NPHP4: variants seen among roughly 807,000 people sequenced by gnomAD.
NPHP4 encodes nephrocystin-4.
A neutral mutation model predicts 155.8 loss-of-function variants in NPHP4; 151 were observed. That is an observed-to-expected ratio of 0.97 (90% CI 0.85 to 1.11). The LOEUF (loss-of-function observed/expected upper bound fraction) is 1.11, where lower values mean the gene tolerates loss of function less well. Ranked by LOEUF, NPHP4 falls within the 50% of genes least tolerant of loss-of-function variation. The pLI is 0.00. For synonymous variants in NPHP4, 845 were observed against 816.8 expected (o/e 1.03, Z -0.59); for missense variants, 1,956 against 1,925.7 (o/e 1.02, Z -0.29).
At chr1:5,933,104 TAGA>T (rs1392344506) in intron 10 of NPHP4, 40 bp downstream of exon 10, 5 of 1,405,126 alleles carry the variant, frequency 3.6e-6, no homozygotes, top group Non-Finnish European at 4.8e-6. Context: ...ATGAACTTGC[TAGA>T]AGCTCACCGG....
rs1427188149 is a variant in NPHP4, at chr1:5,874,627, G to A, written c.3075C>T (p.Asp1025=). 1 of 1,612,244 alleles carries A rather than the reference G, an allele frequency of 6.2e-7. No individual in the cohort carries two copies. The highest frequency in any genetic ancestry group is 8.5e-7 in the Non-Finnish European group (1 of 1,179,602). ...TGTGCAGGCCAGCAGCACCCTTGAA[G>A]TCCCTCCACTCCTGACTGTCCACGA... ...SVIVDSQEWR[D]FKGAAGLHTP... Residue 1025 remains aspartate, a synonymous_variant, in exon 22 of 30, where the codon GAC becomes GAT. Coordinates refer to ENST00000378156, the MANE Select transcript of NPHP4 (RefSeq NM_015102.5).
At chr1:5,871,213 T>C (rs1177384745) in intron 23 of NPHP4, among the ~76,000 whole-genome samples, 2 of 152,328 alleles carry the variant, frequency 1.3e-5, no homozygotes, top group African/African-American at 4.8e-5. Context: ...TTCCTGTAAC[T>C]CTTCCCTAAG....
At position 5,969,277 on chromosome 1, in the gene NPHP4, G is replaced by C. The variant is rs367703759; in HGVS notation, c.280-18C>G. On this transcript the variant is annotated intron_variant, in intron 3 of 29. Coordinates refer to ENST00000378156, the MANE Select transcript of NPHP4 (RefSeq NM_015102.5). ...TACAAGGGCTGCAGAACAGAAGCCA[G>C]AGGATGGTCTGAGTGTTCAGGACAC... 5.6e-5 allele frequency: 85 copies of C among 1,516,744 alleles called. No homozygotes were observed. The highest frequency in any genetic ancestry group is 6.8e-5 in the Non-Finnish European group (76 of 1,121,368). The allele number at this position is 1,516,744 out of a possible 1,614,324, so 94.0% of individuals were successfully genotyped here.
intron 11 of NPHP4, among the ~76,000 whole-genome samples, chr1:5,913,129 C>T (rs947135777): frequency 1.2e-4 from 14 of 114,936 alleles, no homozygotes; most frequent in Non-Finnish European, 1.7e-4. Context: ...CCAACCTGGG[C>T]AAAAAGAGTG....
intron 6 of NPHP4, among the ~76,000 whole-genome samples, chr1:5,956,062 G>GGT (rs1557829571): frequency 7.1e-6 from 1 of 140,644 alleles, no homozygotes; most frequent in African/African-American, 2.7e-5. Context: ...AAAAAGCTGG[G>GGT]GGGGGGGGGT....
At chr1:5,914,043 A>G (rs1645327769) in intron 11 of NPHP4, among the ~76,000 whole-genome samples, 1 of 152,048 alleles carries the variant, frequency 6.6e-6, no homozygotes. Context: ...GGACATGAAC[A>G]GGGATAGGGC....
rs939864770 is a variant in NPHP4 at position 5,892,665 on chromosome 1, G to A, written c.2144-1637C>T. ...CACTGGGTCGAGCTGTGTTTGGGAC[G>A]CGCGTACTCTCCCCACTGCAGCCTC... On this transcript the variant is annotated intron_variant, in intron 16 of 29. Coordinates refer to ENST00000378156, the MANE Select transcript of NPHP4 (RefSeq NM_015102.5). The surrounding 1 kb of genome is among the most constrained non-coding windows in gnomAD (Gnocchi z 4.5). Among the ~76,000 whole-genome samples the A allele has an allele frequency of 3.7e-4, 56 of 152,096 alleles. No homozygotes were observed. Among genetic ancestry groups the A allele is most frequent in the African/African-American group, 1.1e-3 (47 of 41,452 alleles).
At chr1:5,897,968 G>C (rs975355909) in intron 16 of NPHP4, among the ~76,000 whole-genome samples, 15 of 152,242 alleles carry the variant, frequency 9.9e-5, no homozygotes, top group Admixed American at 9.8e-4. Context: ...GGACATATGG[G>C]ATTAGGGCTC....
chr1:5,972,756 T>C (rs2102298059), intron 3 of NPHP4, among the ~76,000 whole-genome samples: 1 of 152,350 alleles, frequency 6.6e-6, no homozygotes, highest in South Asian at 2.1e-4. Context: ...TTCTTTTTTT[T>C]CATAGGTTTT....
In NPHP4 at chr1:5,952,902, G is replaced by A. The variant is rs1295153776; in HGVS notation, c.674-66C>T. On this transcript the variant is annotated intron_variant, in intron 6 of 29. Coordinates refer to ENST00000378156, the MANE Select transcript of NPHP4 (RefSeq NM_015102.5). Reference sequence around the variant, plus strand: ...AAAACACCCACTGGCAGCCACCGAGGGTCCCTACCCACCCCAGCCTCAGCC... The same window carrying A: ...AAAACACCCACTGGCAGCCACCGAGAGTCCCTACCCACCCCAGCCTCAGCC... The A allele has an allele frequency of 1.0e-5, 15 of 1,469,788 alleles. No individual in the cohort carries two copies. The Admixed American group carries it at 1.0e-4, about 10-fold the overall frequency. The allele number at this position is 1,469,788 out of a possible 1,614,324, so 91.0% of individuals were successfully genotyped here. A position where few individuals can be genotyped will look rare whatever the true frequency, so the allele number is the denominator to read the frequency against.
intron 11 of NPHP4, among the ~76,000 whole-genome samples, chr1:5,911,360 C>T (rs1645170856): frequency 6.6e-6 from 1 of 152,210 alleles, no homozygotes; most frequent in Non-Finnish European, 1.5e-5. Flanking sequence ...TCGGAAAACT[C>T]CGCAGGCTGA....
intron 1 of NPHP4, among the ~76,000 whole-genome samples, chr1:5,986,653 T>C (rs573703689): frequency 4.3e-4 from 66 of 152,214 alleles, no homozygotes; most frequent in Non-Finnish European, 9.0e-4. Context: ...GATTCACTTT[T>C]CCTGTGTATC....
intron 17 of NPHP4, among the ~76,000 whole-genome samples, chr1:5,888,977 G>A (rs568446697): frequency 6.6e-6 from 1 of 152,346 alleles, no homozygotes; most frequent in African/African-American, 2.4e-5. Context: ...GATCATCAGT[G>A]TGACCCTGGG....
rs1264255842 is a variant in NPHP4, at chr1:5,867,184, A to C, written c.3473-69T>G. 7 of 1,177,896 alleles carry C rather than the reference A, an allele frequency of 5.9e-6. No homozygotes were observed. The highest frequency in any genetic ancestry group is 8.7e-6 in the Non-Finnish European group (7 of 807,256). The allele number at this position is 1,177,896 out of a possible 1,614,324, so 73.0% of individuals were successfully genotyped here. The stretch of plus-strand genomic sequence containing the variant: ...AGCCTGTGTGGAGAAGGCCCCACAC[A>C]TTACACACTATAGGACAGGACAGGC... On this transcript the variant is annotated intron_variant, in intron 24 of 29. Transcript: ENST00000378156. The surrounding 1 kb of genome is among the most constrained non-coding windows in gnomAD (Gnocchi z 4.1).
intron 4 of NPHP4, among the ~76,000 whole-genome samples, chr1:5,968,428 C>A (rs573851147): frequency 1.0e-3 from 155 of 152,200 alleles, no homozygotes; most frequent in African/African-American, 3.6e-3. Flanking sequence ...ATAGGGAGAT[C>A]CCGTCTCTAC....
intron 11 of NPHP4, among the ~76,000 whole-genome samples, chr1:5,917,272 A>ACAGAGGC (rs1210452438): frequency 6.6e-6 from 1 of 152,078 alleles, no homozygotes; most frequent in Admixed American, 6.5e-5. Context: ...GAGGACTCCC[A>ACAGAGGC]CTGGAACAAC....
At chr1:5,978,192 T>A in intron 3 of NPHP4, 78 bp downstream of exon 3, 2 of 1,396,834 alleles carry the variant, frequency 1.4e-6, no homozygotes, top group South Asian at 2.6e-5. Flanking sequence ...GGCCCCAGTC[T>A]CTGGGCTGCC....
chr1:5,869,404 G>C (rs1189785904), intron 23 of NPHP4, among the ~76,000 whole-genome samples: 1 of 152,192 alleles, frequency 6.6e-6, no homozygotes, highest in East Asian at 1.9e-4. Context: ...TGCACACACT[G>C]AGAAGGAGAG....
intron 9 of NPHP4, among the ~76,000 whole-genome samples, chr1:5,934,428 C>G (rs754506059): frequency 2.0e-5 from 3 of 152,134 alleles, no homozygotes; most frequent in Non-Finnish European, 4.4e-5. Context: ...CCACCTGGGA[C>G]TTCCAGCCTC....
Sources: gnomAD v4.1 joint callset for allele counts (sites outside exome capture counted in the v4.1 genomes callset) on GRCh38, gnomAD v4.1.1 for gene constraint, Gnocchi (gnomAD v3.1) non-coding constraint, MANE v1.5 for transcripts, NCBI Gene and HGNC (gene_info 2026-07-23, HGNC 2026-07-21) for gene names.